STAU2: variants seen among roughly 807,000 people sequenced by gnomAD.
STAU2 encodes double-stranded RNA-binding protein Staufen homolog 2.
In STAU2, 20 loss-of-function variants were observed where a neutral mutation model predicts 65.9. That is an observed-to-expected ratio of 0.30 (90% CI 0.21 to 0.44). STAU2 has a LOEUF of 0.44. Ranked by LOEUF, STAU2 falls within the 20% of genes least tolerant of loss-of-function variation. STAU2 has a pLI of 1.00. For missense variants in STAU2, 558 were observed against 683.9 expected (o/e 0.82, Z 2.05); for synonymous variants, 232 against 233.9 (o/e 0.99, Z 0.07).
At chr8:73,578,474 C>T (rs1809742082) in intron 12 of STAU2, among the ~76,000 whole-genome samples, 1 of 152,122 alleles carries the variant, frequency 6.6e-6, no homozygotes, top group Non-Finnish European at 1.5e-5. Flanking sequence ...GTCTAATATA[C>T]AGTCATCAAT....
intron 5 of STAU2, among the ~76,000 whole-genome samples, chr8:73,685,755 A>G (rs1394895973): frequency 6.6e-6 from 1 of 152,200 alleles, no homozygotes; most frequent in Non-Finnish European, 1.5e-5. Context: ...GATTCCTTAA[A>G]GAACTAAAAG....
chr8:73,621,633 T>TTA (rs1159682930), intron 6 of STAU2, among the ~76,000 whole-genome samples: 1 of 152,160 alleles, frequency 6.6e-6, no homozygotes, highest in Non-Finnish European at 1.5e-5. Flanking sequence ...TCCAAGTTAT[T>TTA]TAAGTTTCAG....
At chr8:73,611,678 T>G (rs1476601732) in intron 9 of STAU2, among the ~76,000 whole-genome samples, 1 of 149,982 alleles carries the variant, frequency 6.7e-6, no homozygotes, top group Non-Finnish European at 1.5e-5. Flanking sequence ...TTATGATTAT[T>G]ATTATTATTA....
At chr8:73,445,085 C>G (rs1818395731) in intron 13 of STAU2, among the ~76,000 whole-genome samples, 1 of 152,180 alleles carries the variant, frequency 6.6e-6, no homozygotes, top group African/African-American at 2.4e-5. Context: ...GAGCCAAACT[C>G]GAACCAGACG....
At chr8:73,693,331 C>T (rs952288771) in intron 4 of STAU2, among the ~76,000 whole-genome samples, 2 of 151,860 alleles carry the variant, frequency 1.3e-5, no homozygotes, top group Non-Finnish European at 2.9e-5. Context: ...AAAAATTAGC[C>T]GGGCGTGGTA....
intron 6 of STAU2, among the ~76,000 whole-genome samples, chr8:73,619,244 G>A (rs1813054797): frequency 6.6e-6 from 1 of 151,736 alleles, no homozygotes. Flanking sequence ...GAGAAGGGAG[G>A]GATTAACTGG....
chr8:73,492,471 G>A (rs1480285956), intron 13 of STAU2, among the ~76,000 whole-genome samples: 1 of 151,830 alleles, frequency 6.6e-6, no homozygotes, highest in Non-Finnish European at 1.5e-5. Context: ...TTGACAAGAT[G>A]CTTCCTAGAT....
At chr8:73,438,558 C>T (rs4738355) in intron 13 of STAU2, among the ~76,000 whole-genome samples, 69,766 of 152,054 alleles carry the variant, frequency 0.46, 16,322 homozygotes, top group Admixed American at 0.57. Flanking sequence ...AGCTGTGGTG[C>T]AGTAAAGGGC....
intron 9 of STAU2, among the ~76,000 whole-genome samples, chr8:73,607,492 G>C (rs1227126639): frequency 6.6e-6 from 1 of 152,038 alleles, no homozygotes; most frequent in African/African-American, 2.4e-5. Context: ...CACTTTGGGA[G>C]GCCGAGGCGG....
At chr8:73,669,533 C>T (rs1203886481) in intron 6 of STAU2, among the ~76,000 whole-genome samples, 1 of 152,096 alleles carries the variant, frequency 6.6e-6, no homozygotes, top group African/African-American at 2.4e-5. Context: ...CATACTAACT[C>T]CTCTCTCCCT....
intron 9 of STAU2, among the ~76,000 whole-genome samples, chr8:73,610,538 CAAA>C (rs59599554): frequency 1.3e-4 from 12 of 95,098 alleles, no homozygotes; most frequent in Non-Finnish European, 2.2e-4. Context: ...GACCCCGTCT[CAAA>C]AAAAAAAAAA....
chr8:73,560,463 G>A (rs867070275), intron 12 of STAU2, among the ~76,000 whole-genome samples: 9 of 152,086 alleles, frequency 5.9e-5, no homozygotes, highest in Non-Finnish European at 1.0e-4. Context: ...AGAGTTGAAC[G>A]GAAGCACTGA....
intron 13 of STAU2, among the ~76,000 whole-genome samples, chr8:73,510,113 G>A (rs1822301776): frequency 6.6e-6 from 1 of 152,020 alleles, no homozygotes; most frequent in African/African-American, 2.4e-5. Flanking sequence ...TGTTGCCCAG[G>A]CTGGAGAGCA....
At chr8:73,703,877 C>A (rs1820299092) in intron 4 of STAU2, among the ~76,000 whole-genome samples, 1 of 151,974 alleles carries the variant, frequency 6.6e-6, no homozygotes, top group Non-Finnish European at 1.5e-5. Context: ...TCTTTTTTTC[C>A]CACACAGATA....
intron 13 of STAU2, among the ~76,000 whole-genome samples, chr8:73,453,219 GAAAC>G (rs1818892323): frequency 6.6e-6 from 1 of 152,042 alleles, no homozygotes; most frequent in Admixed American, 6.5e-5. Context: ...ATGAAACAAA[GAAAC>G]AAACAAAAGA....
At chr8:73,644,757 G>A (rs1815247106) in intron 6 of STAU2, among the ~76,000 whole-genome samples, 1 of 151,996 alleles carries the variant, frequency 6.6e-6, no homozygotes, top group Admixed American at 6.6e-5. Context: ...AAGAATCAGG[G>A]ATTATCACTA....
At chr8:73,491,014 C>G (rs1821129272) in intron 13 of STAU2, among the ~76,000 whole-genome samples, 2 of 151,960 alleles carry the variant, frequency 1.3e-5, no homozygotes. Context: ...ATAGGCAAGG[C>G]TGATCTCAAA....
At chr8:73,602,108 T>G (rs1025149754) in intron 10 of STAU2, among the ~76,000 whole-genome samples, 6 of 146,824 alleles carry the variant, frequency 4.1e-5, no homozygotes, top group Non-Finnish European at 9.1e-5. Flanking sequence ...AGTTAACATC[T>G]CCAAAAAAAA....
At chr8:73,654,360 C>T (rs1025400195) in intron 6 of STAU2, among the ~76,000 whole-genome samples, 5 of 151,750 alleles carry the variant, frequency 3.3e-5, no homozygotes, top group African/African-American at 1.2e-4. Flanking sequence ...AGCTCAAGAC[C>T]CTTTTAACTG....
Sources: gnomAD v4.1 joint callset for allele counts (sites outside exome capture counted in the v4.1 genomes callset) on GRCh38, gnomAD v4.1.1 for gene constraint, MANE v1.5 for transcripts, NCBI Gene and HGNC (gene_info 2026-07-23, HGNC 2026-07-21) for gene names.